Variants in OGDH observed in about 807,000 individuals in gnomAD.
OGDH encodes the protein oxoglutarate dehydrogenase.
Under a neutral mutation model 116.6 loss-of-function variants are expected in OGDH, and 38 were observed. The observed-to-expected ratio is 0.33, with a 90% CI of 0.25 to 0.43. OGDH has a LOEUF of 0.43. OGDH is among the 20% of genes least tolerant of loss of function. OGDH has a pLI of 1.00. For synonymous variants in OGDH, 488 were observed against 533.3 expected, an observed-to-expected ratio of 0.92 and a Z score of 1.17; for missense variants, 825 against 1,357.2, an observed-to-expected ratio of 0.61 and a Z score of 6.16.
chr7:44,676,187 A>G (rs1787685102), intron 9 of OGDH, 38 bp downstream of exon 9: 2 of 1,613,878 alleles, frequency 1.2e-6, no homozygotes, highest in Admixed American at 1.7e-5. Context: ...CAGATCGTCA[A>G]GGCCCCATGT....
intron 10 of OGDH, among the ~76,000 whole-genome samples, chr7:44,693,364 C>T (rs76204585): frequency 0.065 from 9,912 of 151,426 alleles, 380 homozygotes; most frequent in Middle Eastern, 0.094. Context: ...AATAACACTT[C>T]GGGAAGCCGA....
At chr7:44,641,021 G>A (rs1000666854) in intron 2 of OGDH, among the ~76,000 whole-genome samples, 1 of 150,772 alleles carries the variant, frequency 6.6e-6, no homozygotes, top group Non-Finnish European at 1.5e-5. Context: ...AGCCTCCTGA[G>A]TAGCTGGGAT....
chr7:44,668,862 T>C (rs1787300381), intron 5 of OGDH, among the ~76,000 whole-genome samples: 1 of 152,218 alleles, frequency 6.6e-6, no homozygotes, highest in Admixed American at 6.5e-5. Context: ...TTCATGTGGG[T>C]CTACTAGAAA....
intron 2 of OGDH, among the ~76,000 whole-genome samples, chr7:44,632,842 T>C (rs1785501224): frequency 6.6e-6 from 1 of 151,698 alleles, no homozygotes; most frequent in Non-Finnish European, 1.5e-5. Flanking sequence ...ATGGTCTCAA[T>C]CTCCTGACCT....
intron 2 of OGDH, among the ~76,000 whole-genome samples, chr7:44,632,236 A>G (rs1785473144): frequency 6.6e-6 from 1 of 152,156 alleles, no homozygotes; most frequent in African/African-American, 2.4e-5. Context: ...CAGCAGGCAT[A>G]CGAGGTCACT....
chr7:44,701,157 G>A (rs1233966520), intron 19 of OGDH, among the ~76,000 whole-genome samples: 1 of 152,228 alleles, frequency 6.6e-6, no homozygotes, highest in Admixed American at 6.5e-5. Flanking sequence ...GGCCCACAGG[G>A]CAGGACAGCC....
chr7:44,689,073 C>G (rs988212634), intron 10 of OGDH, among the ~76,000 whole-genome samples: 1 of 151,966 alleles, frequency 6.6e-6, no homozygotes, highest in African/African-American at 2.4e-5. Context: ...GTTTGAATTC[C>G]TTTTCGGGTA....
intron 4 of OGDH, among the ~76,000 whole-genome samples, chr7:44,664,218 T>C: frequency 6.6e-6 from 1 of 152,184 alleles, no homozygotes; most frequent in East Asian, 1.9e-4. Flanking sequence ...ACCTTGTTAT[T>C]GCCAGCAGAG....
At chr7:44,639,279 A>C (rs1310815604) in intron 2 of OGDH, among the ~76,000 whole-genome samples, 3 of 152,154 alleles carry the variant, frequency 2.0e-5, no homozygotes, top group Non-Finnish European at 4.4e-5. Flanking sequence ...TTAGAGAGAT[A>C]CAGGGTTGCA....
At chr7:44,609,509 CAAAAA>C (rs56730903) in intron 1 of OGDH, among the ~76,000 whole-genome samples, 6 of 103,820 alleles carry the variant, frequency 5.8e-5, no homozygotes, top group Admixed American at 1.0e-4. Context: ...GACCCTGTCT[CAAAAA>C]AAAAAAAAAA....
Position 44,631,175 on chromosome 7 carries a change from G to A in OGDH, c.222+6610G>A, listed in dbSNP as rs369254768. Among the ~76,000 whole-genome samples, 3 of 152,168 alleles carry A rather than the reference G, an allele frequency of 2.0e-5. No homozygotes were observed. In the East Asian group the frequency reaches 5.8e-4, roughly 29 times the overall value. On this transcript the variant is annotated intron_variant, in intron 2 of 22. Transcript: ENST00000222673. ...TTTTTACCAACTATTTTCAATCCAC[G>A]TTTGGTTGAATCCATGGATGCAGAA...
At chr7:44,609,443 G>T (rs1452669250) in intron 1 of OGDH, among the ~76,000 whole-genome samples, 2 of 151,194 alleles carry the variant, frequency 1.3e-5, no homozygotes, top group African/African-American at 4.9e-5. Context: ...CTAGGCTGTG[G>T]TGGCTGCGGT....
chr7:44,704,507 C>T (rs12672122), intron 20 of OGDH, among the ~76,000 whole-genome samples: 23,237 of 151,922 alleles, frequency 0.15, 3,999 homozygotes, highest in African/African-American at 0.41. Flanking sequence ...GCATGAGCCA[C>T]GGTACCCAGC....
At position 44,708,654 on chromosome 7, in the gene OGDH, A is replaced by G. The variant is rs1182745242; in HGVS notation, c.*655A>G. 1 of 151,972 alleles carries G rather than the reference A, an allele frequency of 6.6e-6. No homozygotes were observed. Among genetic ancestry groups the G allele is most frequent in the Non-Finnish European group, 1.5e-5 (1 of 68,018 alleles). The allele number at this position is 151,972 out of a possible 1,614,324, so 9.4% of individuals were successfully genotyped here. ...TGTGGGGCCCAAGCATGCCCCACCC[A>G]CCCCTCCTGGGCCCAGGCAGCACCT... On this transcript the variant is annotated 3_prime_UTR_variant, in exon 23 of 23. Transcript: ENST00000222673.
At chr7:44,678,933 A>C (rs1470073995) in intron 9 of OGDH, among the ~76,000 whole-genome samples, 1 of 152,184 alleles carries the variant, frequency 6.6e-6, no homozygotes, top group Admixed American at 6.5e-5. Flanking sequence ...AACAGACCTG[A>C]TTTGGCTCAG....
chr7:44,701,697 G>A, intron 20 of OGDH, 82 bp downstream of exon 20: 1 of 1,326,832 alleles, frequency 7.5e-7, no homozygotes, highest in Non-Finnish European at 1.1e-6. Flanking sequence ...CAGCTCATGG[G>A]ACTGACATTT....
Position 44,624,310 on chromosome 7 carries a change from T to TTTTTTTATG in OGDH, c.-27-7_-27-6insTTTTTTATG. On this transcript the variant is annotated splice_region_variant and splice_polypyrimidine_tract_variant and intron_variant, in intron 1 of 22. Transcript: ENST00000222673. Reference sequence around the variant, plus strand: ...TTTCTTGTTTTTTTTTTTTTTTTTTTGTACAGGCAGTTGTGAAAAACTTCA... The same window carrying TTTTTTTATG: ...TTTCTTGTTTTTTTTTTTTTTTTTTTTTTTTTATGGTACAGGCAGTTGTGAAAAACTTCA... The TTTTTTTATG allele has an allele frequency of 9.1e-7, 1 of 1,102,340 alleles. No individual in the cohort carries two copies. 68.3% of individuals were successfully genotyped at this position (1,102,340 alleles called of 1,614,324 possible). A position where few individuals can be genotyped will look rare whatever the true frequency, so the allele number is the denominator to read the frequency against.
chr7:44,639,704 T>G (rs1352455611), intron 2 of OGDH, among the ~76,000 whole-genome samples: 1 of 152,138 alleles, frequency 6.6e-6, no homozygotes, highest in Non-Finnish European at 1.5e-5. Context: ...GTGTGGGGGC[T>G]CACCCAGTCC....
At chr7:44,679,129 AGT>A (rs1320487406) in intron 9 of OGDH, among the ~76,000 whole-genome samples, 6 of 152,354 alleles carry the variant, frequency 3.9e-5, no homozygotes, top group Non-Finnish European at 8.8e-5. Flanking sequence ...ATGGCATGGT[AGT>A]CGCAGTACAA....
Sources: allele counts gnomAD v4.1 joint callset (sites outside exome capture counted in the v4.1 genomes callset), GRCh38; gene constraint gnomAD v4.1.1; transcripts MANE v1.5; gene names NCBI Gene and HGNC (gene_info 2026-07-23, HGNC 2026-07-21).